SMC5: variants seen among roughly 807,000 people sequenced by gnomAD.
SMC5 encodes the protein structural maintenance of chromosomes protein 5.
Under a neutral mutation model 148.3 loss-of-function variants are expected in SMC5, and 88 were observed. The observed-to-expected ratio is 0.59, with a 90% CI of 0.50 to 0.71. SMC5 has a LOEUF of 0.71. Among genes scored for constraint, SMC5 ranks in the 30% least tolerant of loss-of-function variants. The pLI, the probability that SMC5 is intolerant of heterozygous loss-of-function variation, is 0.00. For synonymous variants in SMC5, 421 were observed against 432.8 expected, an observed-to-expected ratio of 0.97 and a Z score of 0.34; for missense variants, 1,142 against 1,298.9, an observed-to-expected ratio of 0.88 and a Z score of 1.86.
At chr9:70,309,318 C>CTTTTTT (rs59694037) in intron 11 of SMC5, among the ~76,000 whole-genome samples, 5,990 of 78,404 alleles carry the variant, frequency 0.076, 735 homozygotes, top group Non-Finnish European at 0.099. Context: ...TTTCCTTTTC[C>CTTTTTT]TTTTTTTTTT....
At chr9:70,281,998 A>G (rs1014664102) in intron 6 of SMC5, among the ~76,000 whole-genome samples, 3 of 145,780 alleles carry the variant, frequency 2.1e-5, no homozygotes, top group Non-Finnish European at 3.0e-5. Flanking sequence ...ACTTTCACCT[A>G]CATGCTGGTT....
chr9:70,346,630 A>C lies in SMC5; in HGVS notation c.2549A>C (p.His850Pro). The C allele has an allele frequency of 6.2e-7, 1 of 1,614,034 alleles. No homozygotes were observed. Among genetic ancestry groups the C allele is most frequent in the Non-Finnish European group, 8.5e-7 (1 of 1,179,936 alleles). The stretch of plus-strand genomic sequence containing the variant: ...CAAGTACCCACCATTCCAAATGGAC[A>C]CAACTCCTCACTCCCCATGGTATGC... ...QTQVPTIPNG[H>P]NSSLPMVFQD... Residue 850 changes from histidine (H) to proline (P), a missense_variant, in exon 19 of 25, where the codon CAC (histidine) becomes CCC (proline). His to Pro is a moderately conservative substitution (Grantham distance 77). This residue lies in a region of SMC5 where 743 missense variants were observed against 835.7 expected (regional missense o/e 0.89). Coordinates refer to ENST00000361138, the MANE Select transcript of SMC5 (RefSeq NM_015110.4).
At chr9:70,261,146 AATAT>A (rs1220654006) in intron 1 of SMC5, among the ~76,000 whole-genome samples, 12 of 152,184 alleles carry the variant, frequency 7.9e-5, no homozygotes, top group Admixed American at 7.9e-4. Context: ...GTAAGGCAAG[AATAT>A]AGGATGTGAA....
At chr9:70,350,897 G>A (rs574413100) in intron 24 of SMC5, among the ~76,000 whole-genome samples, 1 of 152,048 alleles carries the variant, frequency 6.6e-6, no homozygotes, top group African/African-American at 2.4e-5. Flanking sequence ...GGTTAATTCT[G>A]ATAAAAACAG....
intron 17 of SMC5, among the ~76,000 whole-genome samples, chr9:70,336,851 A>G (rs1420927497): frequency 6.6e-6 from 1 of 152,234 alleles, no homozygotes; most frequent in Non-Finnish European, 1.5e-5. Flanking sequence ...CATGCTGCTG[A>G]TAAAGACATA....
Position 70,298,090 on chromosome 9 carries a change from G to A in SMC5, c.1178G>A (p.Cys393Tyr), listed in dbSNP as rs746214689. 134 of 1,613,916 alleles carry A rather than the reference G, an allele frequency of 8.3e-5. No homozygotes were observed. The highest frequency in any genetic ancestry group is 1.1e-4 in the Non-Finnish European group (129 of 1,179,952). ...LQNELKTTEN[C>Y]ENLQPQIDAI... Reference sequence around the variant, plus strand: ...AATGAACTAAAGACCACGGAAAACTGCGAGAATCTTCAGCCCCAGATTGAT... The same window carrying A: ...AATGAACTAAAGACCACGGAAAACTACGAGAATCTTCAGCCCCAGATTGAT... The change falls in exon 9 of 25, where the codon TGC becomes TAC. Residue 393 changes from cysteine (C) to tyrosine (Y), a missense_variant. Cys to Tyr is a radical substitution (Grantham distance 194). This residue lies in a region of SMC5 where 743 missense variants were observed against 835.7 expected (regional missense o/e 0.89). Coordinates refer to ENST00000361138, the MANE Select transcript of SMC5 (RefSeq NM_015110.4).
At chr9:70,350,617 A>T in intron 24 of SMC5, 146 bp downstream of exon 24, 2 of 531,276 alleles carry the variant, frequency 3.8e-6, no homozygotes, top group Non-Finnish European at 6.5e-6. Flanking sequence ...TTACATTATT[A>T]AAGGGACAAA....
At chr9:70,271,362 G>A (rs542372863) in intron 3 of SMC5, among the ~76,000 whole-genome samples, 8 of 152,214 alleles carry the variant, frequency 5.3e-5, no homozygotes, top group African/African-American at 1.7e-4. Context: ...TTCCACGAAG[G>A]TTCACATGGC....
At chr9:70,340,529 A>G (rs2036492805) in intron 17 of SMC5, among the ~76,000 whole-genome samples, 1 of 151,946 alleles carries the variant, frequency 6.6e-6, no homozygotes, top group South Asian at 2.1e-4. Context: ...ACAAATGGTT[A>G]ACATTTGAAT....
At chr9:70,301,450 T>G (rs530322876) in intron 10 of SMC5, among the ~76,000 whole-genome samples, 82 of 152,332 alleles carry the variant, frequency 5.4e-4, no homozygotes, top group African/African-American at 1.9e-3. Context: ...CCTTCCTACA[T>G]TCACATCTTC....
rs753711173 is a variant in SMC5, at chr9:70,347,979, A to G, written c.2830A>G (p.Ser944Gly). Reference protein sequence around the residue: ...ELVEKINEKFSNFFSSMQCAG... With the variant: ...ELVEKINEKFGNFFSSMQCAG... ...GGTAGAAAAAATTAATGAAAAATTC[A>G]GCAATTTTTTTAGTTCCATGCAGTG... Residue 944 changes from serine to glycine, a missense_variant, in exon 22 of 25, where the codon AGC (serine) becomes GGC (glycine). Around this residue, in one of 5 missense-constraint regions of SMC5, gnomAD observed 743 missense variants for 835.7 expected, o/e 0.89. Coordinates refer to ENST00000361138, the MANE Select transcript of SMC5 (RefSeq NM_015110.4). The G allele has an allele frequency of 1.2e-6, 2 of 1,607,710 alleles. No homozygotes were observed. The highest frequency in any genetic ancestry group is 1.7e-5 in the Admixed American group (1 of 58,942).
chr9:70,285,030 C>T (rs2034858508), intron 7 of SMC5, among the ~76,000 whole-genome samples: 1 of 152,060 alleles, frequency 6.6e-6, no homozygotes, highest in Non-Finnish European at 1.5e-5. Flanking sequence ...GTTTTAGTCT[C>T]CTCAGTCAGG....
intron 17 of SMC5, among the ~76,000 whole-genome samples, chr9:70,328,003 C>A (rs1438997409): frequency 6.6e-6 from 1 of 152,112 alleles, no homozygotes; most frequent in Non-Finnish European, 1.5e-5. Flanking sequence ...GGAAATGCTA[C>A]ACGCTTTTAA....
intron 20 of SMC5, 35 bp downstream of exon 20, chr9:70,347,196 AC>A: frequency 6.8e-7 from 1 of 1,474,888 alleles, no homozygotes; most frequent in Admixed American, 1.7e-5. Context: ...TCTGCATCCA[AC>A]CACCACCACC....
intron 15 of SMC5, among the ~76,000 whole-genome samples, chr9:70,321,122 A>G (rs536404579): frequency 1.3e-5 from 2 of 152,262 alleles, no homozygotes; most frequent in South Asian, 2.1e-4. Flanking sequence ...ATCCAAAACA[A>G]TATGTCCCTT....
chr9:70,350,507 C>G lies in SMC5; in HGVS notation c.3165+36C>G, dbSNP rs757402204. 10 of 1,402,416 alleles carry G rather than the reference C, an allele frequency of 7.1e-6. No individual in the cohort carries two copies. In the African/African-American group the frequency reaches 1.2e-4, roughly 16 times the overall value. 86.9% of individuals were successfully genotyped at this position (1,402,416 alleles called of 1,614,324 possible). ...AGTAACCTAAAAGTGGTCATATACT[C>G]AGAAATCTCCTGTGACATAATCATA... On this transcript the variant is annotated intron_variant, in intron 24 of 24. Transcript: ENST00000361138.
intron 17 of SMC5, among the ~76,000 whole-genome samples, chr9:70,342,139 A>G (rs865789723): frequency 6.6e-6 from 1 of 151,302 alleles, no homozygotes; most frequent in African/African-American, 2.4e-5. Context: ...TATCACAAGG[A>G]CAAAAAACCA....
At chr9:70,278,079 A>G (rs917373144) in intron 4 of SMC5, among the ~76,000 whole-genome samples, 1 of 152,026 alleles carries the variant, frequency 6.6e-6, no homozygotes, top group African/African-American at 2.4e-5. Context: ...AAAGCTTTTT[A>G]TTTATTTTAA....
chr9:70,318,479 A>G (rs2035865811), intron 13 of SMC5, 35 bp from the exon 14 acceptor site: 1 of 1,433,780 alleles, frequency 7.0e-7, no homozygotes, highest in Non-Finnish European at 9.4e-7. Context: ...TATAATTTAT[A>G]TTAGATGTGC....
Sources: gnomAD v4.1 joint callset for allele counts (sites outside exome capture counted in the v4.1 genomes callset) on GRCh38, gnomAD v4.1.1 for gene constraint, gnomAD v4.1.1 regional missense constraint, MANE v1.5 for transcripts, NCBI Gene and HGNC (gene_info 2026-07-23, HGNC 2026-07-21) for gene names.